The following GRIA3 variants were observed in gnomAD, a reference collection of about 807,000 sequenced individuals.
GRIA3 encodes the protein glutamate receptor 3.
GRIA3 carries 3 observed loss-of-function variants against 63.0 expected under a neutral mutation model. The observed-to-expected ratio is 0.05, with a 90% CI of 0.02 to 0.12. The LOEUF is 0.12. Among genes scored for constraint, GRIA3 ranks in the 10% least tolerant of loss-of-function variants. The probability of loss-of-function intolerance (pLI) is 1.00; values close to 1 mark genes in which losing one functional copy is unlikely to be tolerated. For missense variants in GRIA3, 347 were observed against 700.9 expected (o/e 0.50, Z 5.70); for synonymous variants, 274 against 257.9 (o/e 1.06, Z -0.60).
At chrX:123,239,419 T>C (rs1009657626) in intron 2 of GRIA3, among the ~76,000 whole-genome samples, 3 of 110,318 alleles carry the variant, frequency 2.7e-5, no homozygotes, top group African/African-American at 6.5e-5. Context: ...TGTAATTTAA[T>C]AGGGAATTTT....
chrX:123,234,902 G>A (rs182898211), intron 2 of GRIA3, among the ~76,000 whole-genome samples: 120 of 111,333 alleles, frequency 1.1e-3, no homozygotes, highest in African/African-American at 3.8e-3. Context: ...TGAGGGCCAG[G>A]ATAATTGGTC....
At chrX:123,248,764 C>T (rs752362533) in intron 2 of GRIA3, among the ~76,000 whole-genome samples, 1 of 109,828 alleles carries the variant, frequency 9.1e-6, no homozygotes, top group East Asian at 2.9e-4. Context: ...CCAGCCTGGG[C>T]GACAAGAGCA....
At chrX:123,252,829 C>T (rs759314061) in intron 2 of GRIA3, among the ~76,000 whole-genome samples, 47 of 111,864 alleles carry the variant, frequency 4.2e-4, no homozygotes, top group African/African-American at 1.5e-3. Flanking sequence ...CATTATGTAA[C>T]CTGAAGGGTA....
At chrX:123,259,487 CT>C (rs2044438174) in intron 3 of GRIA3, among the ~76,000 whole-genome samples, 1 of 63,799 alleles carries the variant, frequency 1.6e-5, no homozygotes, top group Non-Finnish European at 3.0e-5. Flanking sequence ...CCTTTTCTTT[CT>C]CTCTACACAC....
chrX:123,210,428 G>A (rs1050246172), intron 2 of GRIA3, among the ~76,000 whole-genome samples: 4 of 111,194 alleles, frequency 3.6e-5, no homozygotes, highest in Non-Finnish European at 7.6e-5. Flanking sequence ...TCCACTCAAA[G>A]TATCTCTTGC....
chrX:123,297,509 G>A (rs61193579), intron 3 of GRIA3, among the ~76,000 whole-genome samples: 2,388 of 111,799 alleles, frequency 0.021, 58 homozygotes, highest in African/African-American at 0.073. Flanking sequence ...TGGAAGTGGG[G>A]AAAAGTGGTA....
chrX:123,215,739 G>T, intron 2 of GRIA3, among the ~76,000 whole-genome samples: 1 of 111,355 alleles, frequency 9.0e-6, no homozygotes, highest in African/African-American at 3.3e-5. Flanking sequence ...CTTTTTCTGG[G>T]GGGCAGAGAG....
chrX:123,292,585 C>T (rs965475646), intron 3 of GRIA3, among the ~76,000 whole-genome samples: 2 of 111,288 alleles, frequency 1.8e-5, no homozygotes, highest in Non-Finnish European at 3.8e-5. Flanking sequence ...GATTCTCTCT[C>T]CAAGGAAAGA....
intron 1 of GRIA3, 86 bp from the exon 2 acceptor site, chrX:123,185,746 T>A: frequency 2.8e-6 from 2 of 708,886 alleles, no homozygotes; most frequent in Non-Finnish European, 4.5e-6. Flanking sequence ...CATTGAGAGG[T>A]ATCCGGTATC....
chrX:123,419,263 G>A (rs2045551661), intron 11 of GRIA3, among the ~76,000 whole-genome samples: 1 of 110,841 alleles, frequency 9.0e-6, no homozygotes, highest in Non-Finnish European at 1.9e-5. Context: ...CAAAAAATTA[G>A]CTGGGCATGG....
intron 12 of GRIA3, among the ~76,000 whole-genome samples, chrX:123,439,487 T>C (rs1396823373): frequency 2.7e-5 from 3 of 112,056 alleles, no homozygotes; most frequent in Non-Finnish European, 3.8e-5. Context: ...AAAATTCTTA[T>C]GTGTTTATAG....
At chrX:123,311,410 A>G (rs771576213) in intron 3 of GRIA3, among the ~76,000 whole-genome samples, 6 of 111,933 alleles carry the variant, frequency 5.4e-5, no homozygotes, top group African/African-American at 1.6e-4. Flanking sequence ...AATAGCTGGT[A>G]CTAATTAGAG....
chrX:123,384,500 C>T (rs954541650), intron 5 of GRIA3, among the ~76,000 whole-genome samples: 6 of 111,713 alleles, frequency 5.4e-5, no homozygotes, highest in Non-Finnish European at 1.1e-4. Context: ...TGACACACGC[C>T]TGTAATCCCA....
chrX:123,457,144 T>C (rs1224645235), intron 12 of GRIA3, among the ~76,000 whole-genome samples: 6 of 111,519 alleles, frequency 5.4e-5, no homozygotes, highest in African/African-American at 2.0e-4. Flanking sequence ...TAGTGTCTCA[T>C]ACACAAGGCA....
chrX:123,205,040 G>A (rs988530454), intron 2 of GRIA3, among the ~76,000 whole-genome samples: 2 of 111,909 alleles, frequency 1.8e-5, no homozygotes, highest in African/African-American at 6.5e-5. Context: ...TGAGAGAGAT[G>A]GTGACTTGCA....
chrX:123,453,473 T>C (rs1171251862), intron 12 of GRIA3, among the ~76,000 whole-genome samples: 1 of 110,945 alleles, frequency 9.0e-6, no homozygotes, highest in East Asian at 2.8e-4. Context: ...CACACCAACA[T>C]GGCACATGTA....
At position 123,483,660 on chromosome X, in the gene GRIA3, C is replaced by T. The variant is rs113691640; in HGVS notation, c.*2+614C>T. 6.9e-3 allele frequency among the ~76,000 whole-genome samples: 778 copies of T among 112,261 alleles called. 7 individuals carry two copies. The highest frequency in any genetic ancestry group is 0.023 in the African/African-American group (723 of 30,940). ...AGATATTAAAATTAGGGGCCGGGCACGGTGGCTCACGCCTGTAATCCCAGC... is the reference window on the plus strand; with the variant it reads ...AGATATTAAAATTAGGGGCCGGGCATGGTGGCTCACGCCTGTAATCCCAGC... On this transcript the variant is annotated intron_variant, in intron 15 of 15. Transcript: ENST00000620443.
intron 2 of GRIA3, among the ~76,000 whole-genome samples, chrX:123,243,357 G>A (rs561819231): frequency 1.6e-4 from 18 of 111,645 alleles, no homozygotes; most frequent in African/African-American, 5.5e-4. Context: ...ATCTAACAAG[G>A]TCCTCCACGG....
chrX:123,247,457 G>A (rs1266077007), intron 2 of GRIA3, among the ~76,000 whole-genome samples: 1 of 111,359 alleles, frequency 9.0e-6, no homozygotes, highest in Non-Finnish European at 1.9e-5. Context: ...CGCAGCTGGG[G>A]AGCTACACTA....
Sources: gnomAD v4.1 joint callset for allele counts (sites outside exome capture counted in the v4.1 genomes callset) on GRCh38, gnomAD v4.1.1 for gene constraint, MANE v1.5 for transcripts, NCBI Gene and HGNC (gene_info 2026-07-23, HGNC 2026-07-21) for gene names.